The following RPS6KA3 variants were observed in gnomAD, a reference collection of about 807,000 sequenced individuals.
The protein encoded by RPS6KA3 is ribosomal protein S6 kinase alpha-3.
A neutral mutation model predicts 67.2 loss-of-function variants in RPS6KA3; 4 were observed. The observed-to-expected ratio is 0.06, with a 90% CI of 0.03 to 0.14. The LOEUF (loss-of-function observed/expected upper bound fraction) is 0.14. Among genes scored for constraint, RPS6KA3 ranks in the 10% least tolerant of loss-of-function variants. RPS6KA3 has a pLI of 1.00. For missense variants in RPS6KA3, 204 were observed against 559.0 expected, an observed-to-expected ratio of 0.36 and a Z score of 6.40; for synonymous variants, 182 against 183.7, an observed-to-expected ratio of 0.99 and a Z score of 0.07.
intron 1 of RPS6KA3, among the ~76,000 whole-genome samples, chrX:20,264,194 T>C (rs1213594620): frequency 8.9e-6 from 1 of 112,362 alleles, no homozygotes; most frequent in African/African-American, 3.2e-5. Flanking sequence ...TTTTAATAAA[T>C]CTTGGCAACA....
intron 7 of RPS6KA3, 59 bp downstream of exon 7, chrX:20,193,428 T>G (rs1466706845): frequency 4.1e-6 from 3 of 723,098 alleles, no homozygotes; most frequent in Non-Finnish European, 6.4e-6. Context: ...ACTTGATTTT[T>G]TATAATCTCC....
chrX:20,242,012 G>A (rs1028802457), intron 1 of RPS6KA3, among the ~76,000 whole-genome samples: 5 of 111,558 alleles, frequency 4.5e-5, no homozygotes, highest in Non-Finnish European at 9.4e-5. Context: ...GGAAAGAACT[G>A]GTGAAGTATA....
intron 2 of RPS6KA3, among the ~76,000 whole-genome samples, chrX:20,231,637 G>A (rs1005714089): frequency 3.6e-5 from 4 of 112,099 alleles, no homozygotes; most frequent in African/African-American, 6.5e-5. Flanking sequence ...GTATGTTCAA[G>A]TAATCCCCGG....
At chrX:20,178,840 T>A (rs751958770) in intron 10 of RPS6KA3, among the ~76,000 whole-genome samples, 2 of 109,786 alleles carry the variant, frequency 1.8e-5, no homozygotes, top group Non-Finnish European at 3.8e-5. Context: ...GAATTAATAT[T>A]CTCTTGGACA....
chrX:20,172,430 G>C (rs1490226438), intron 15 of RPS6KA3, among the ~76,000 whole-genome samples: 10 of 111,419 alleles, frequency 9.0e-5, no homozygotes. Context: ...ACAATTTTGA[G>C]GAATTTGCTG....
intron 13 of RPS6KA3, 119 bp from the exon 14 acceptor site, chrX:20,175,407 T>C (rs2067674156): frequency 1.1e-5 from 8 of 720,133 alleles, no homozygotes; most frequent in Admixed American, 7.9e-5. Context: ...ACACAGTATA[T>C]ACCTCTTGCT....
chrX:20,155,886 C>A (rs183084385), intron 21 of RPS6KA3, among the ~76,000 whole-genome samples: 1 of 112,294 alleles, frequency 8.9e-6, no homozygotes, highest in African/African-American at 3.2e-5. Context: ...ATAGTGAATA[C>A]CTACTCATGT....
chrX:20,163,100 C>T (rs2067345196), intron 18 of RPS6KA3, 60 bp from the exon 19 acceptor site: 2 of 752,559 alleles, frequency 2.7e-6, no homozygotes, highest in Middle Eastern at 2.9e-4. Context: ...ATTTGTAAGG[C>T]TATGAGTTGA....
chrX:20,196,261 A>G (rs773433473), intron 4 of RPS6KA3, among the ~76,000 whole-genome samples: 1 of 113,439 alleles, frequency 8.8e-6, no homozygotes, highest in South Asian at 3.6e-4. Flanking sequence ...GAGGATCCAG[A>G]TTCTTGAGAA....
At chrX:20,245,428 T>C (rs114863695) in intron 1 of RPS6KA3, among the ~76,000 whole-genome samples, 2,749 of 111,756 alleles carry the variant, frequency 0.025, 82 homozygotes, top group African/African-American at 0.079. Context: ...AATGTAAACA[T>C]AGATAATGCC....
chrX:20,212,865 G>A (rs184660470), intron 2 of RPS6KA3, among the ~76,000 whole-genome samples: 8 of 111,776 alleles, frequency 7.2e-5, no homozygotes, highest in Admixed American at 6.6e-4. Flanking sequence ...TATTTCCAGT[G>A]GTATCATCAA....
intron 2 of RPS6KA3, among the ~76,000 whole-genome samples, chrX:20,228,389 C>T (rs2069175579): frequency 1.8e-5 from 2 of 111,578 alleles, no homozygotes; most frequent in African/African-American, 6.5e-5. Flanking sequence ...TCTTCAGTCA[C>T]AACGCTCATC....
intron 2 of RPS6KA3, among the ~76,000 whole-genome samples, chrX:20,213,076 G>A (rs1434252409): frequency 1.8e-5 from 2 of 111,549 alleles, no homozygotes; most frequent in African/African-American, 3.3e-5. Context: ...CTTGGCATTC[G>A]AGGTCCTCTA....
chrX:20,158,954 T>C (rs1255989462), intron 20 of RPS6KA3, among the ~76,000 whole-genome samples: 1 of 112,143 alleles, frequency 8.9e-6, no homozygotes, highest in Non-Finnish European at 1.9e-5. Flanking sequence ...AGTTGCCTGA[T>C]GGACATACAT....
At chrX:20,219,259 A>G (rs1246594677) in intron 2 of RPS6KA3, among the ~76,000 whole-genome samples, 1 of 111,674 alleles carries the variant, frequency 9.0e-6, no homozygotes, top group African/African-American at 3.3e-5. Flanking sequence ...AGTTGCCACT[A>G]CTAAAAGTTG....
chrX:20,223,565 G>A (rs187127938), intron 2 of RPS6KA3, among the ~76,000 whole-genome samples: 81 of 111,135 alleles, frequency 7.3e-4, no homozygotes, highest in Admixed American at 1.2e-3. Flanking sequence ...ATTCTATTAA[G>A]TTTTTGAAAT....
intron 1 of RPS6KA3, among the ~76,000 whole-genome samples, chrX:20,263,451 C>T (rs1009731694): frequency 3.6e-5 from 4 of 112,384 alleles, no homozygotes; most frequent in Non-Finnish European, 1.9e-5. Flanking sequence ...CCAACCCTTA[C>T]TTTGCTTACA....
At position 20,266,645 on chromosome X, in the gene RPS6KA3, C is replaced by T; in HGVS notation, c.-13G>A. On this transcript the variant is annotated 5_prime_UTR_variant, in exon 1 of 22. Transcript: ENST00000379565. ...GCGCCAGCGGCATCTTCCCCCCCGG[C>T]CCGCCGCCTTCACCGCCTCCTCCCT... The T allele has an allele frequency of 1.8e-6, 2 of 1,129,435 alleles. No homozygotes were observed. The highest frequency in any genetic ancestry group is 3.9e-5 in the South Asian group (2 of 51,315). The allele number at this position is 1,129,435 out of a possible 1,213,427, so 93.1% of individuals were successfully genotyped here.
intron 1 of RPS6KA3, among the ~76,000 whole-genome samples, chrX:20,239,709 T>C (rs1000845758): frequency 3.6e-5 from 4 of 111,459 alleles, no homozygotes; most frequent in Non-Finnish European, 7.6e-5. Flanking sequence ...AAGGAGACTG[T>C]TCCCTTGACT....
Sources: allele counts gnomAD v4.1 joint callset (sites outside exome capture counted in the v4.1 genomes callset), GRCh38; gene constraint gnomAD v4.1.1; transcripts MANE v1.5; gene names NCBI Gene and HGNC (gene_info 2026-07-23, HGNC 2026-07-21).